The following RAPGEF5 variants were observed in gnomAD, a reference collection of about 807,000 sequenced individuals.
RAPGEF5 encodes Rap guanine nucleotide exchange factor 5.
A neutral mutation model predicts 125.2 loss-of-function variants in RAPGEF5; 65 were observed. The observed-to-expected ratio is 0.52, with a 90% CI of 0.43 to 0.64. The LOEUF is 0.64. Among genes scored for constraint, RAPGEF5 ranks in the 30% least tolerant of loss-of-function variants. RAPGEF5 has a pLI of 0.00. For synonymous variants in RAPGEF5, 391 were observed against 385.9 expected, an observed-to-expected ratio of 1.01 and a Z score of -0.16; for missense variants, 958 against 1,048.1, an observed-to-expected ratio of 0.91 and a Z score of 1.19.
At chr7:22,345,603 C>A (rs944153762) in intron 1 of RAPGEF5, among the ~76,000 whole-genome samples, 9 of 151,742 alleles carry the variant, frequency 5.9e-5, no homozygotes, top group Non-Finnish European at 1.3e-4. Context: ...ATTATATAAA[C>A]CACGACAGAG....
chr7:22,196,146 G>A (rs1785143231), intron 9 of RAPGEF5, among the ~76,000 whole-genome samples: 1 of 152,102 alleles, frequency 6.6e-6, no homozygotes, highest in African/African-American at 2.4e-5. Flanking sequence ...AAATAAAGAA[G>A]AGAAAAAGCA....
intron 5 of RAPGEF5, among the ~76,000 whole-genome samples, chr7:22,307,289 T>G (rs12532265): frequency 0.16 from 24,437 of 152,142 alleles, 2,267 homozygotes; most frequent in South Asian, 0.29. Flanking sequence ...TTCCTAGGTA[T>G]TTAATTTTAT....
Position 22,150,488 on chromosome 7 carries a change from C to A in RAPGEF5, c.1803G>T (p.Gln601His), listed in dbSNP as rs140685452. The A allele has an allele frequency of 5.3e-5, 81 of 1,542,288 alleles. No homozygotes were observed. The African/African-American group carries it at 1.1e-3, about 21-fold the overall frequency. ...ATTTGGAGATGACTAAGTCATTTGG[C>A]TGAAGTTCATGCTTTTCTTTATTTG... Reference protein sequence around the residue: ...ITFSGEKHELQPNDLVISKSL... With the variant: ...ITFSGEKHELHPNDLVISKSL... Residue 601 changes from glutamine to histidine, a missense_variant, in exon 18 of 26, where the codon CAG becomes CAT. Transcript: ENST00000665637.
chr7:22,224,326 A>C (rs181813163), intron 8 of RAPGEF5, among the ~76,000 whole-genome samples: 1 of 152,210 alleles, frequency 6.6e-6, no homozygotes, highest in Non-Finnish European at 1.5e-5. Context: ...GTGTTATAAA[A>C]TAACTATGAA....
intron 1 of RAPGEF5, among the ~76,000 whole-genome samples, chr7:22,346,338 A>G (rs1325415890): frequency 6.6e-6 from 1 of 152,166 alleles, no homozygotes; most frequent in Non-Finnish European, 1.5e-5. Context: ...AACAGGCATC[A>G]TACTTCCCCT....
intron 19 of RAPGEF5, among the ~76,000 whole-genome samples, chr7:22,146,551 A>G (rs1235681473): frequency 6.6e-6 from 1 of 152,210 alleles, no homozygotes; most frequent in African/African-American, 2.4e-5. Flanking sequence ...TTGTACAACT[A>G]TCATAAGCTT....
intron 9 of RAPGEF5, among the ~76,000 whole-genome samples, chr7:22,216,128 G>T (rs952034960): frequency 6.6e-6 from 1 of 152,086 alleles, no homozygotes; most frequent in South Asian, 2.1e-4. Context: ...TATGGTCATT[G>T]CCCCAGTTCA....
Position 22,156,878 on chromosome 7 carries a change from A to C in RAPGEF5, c.1568T>G (p.Leu523Arg). ...CTCCTTAAGACTGAATTGGTGGAAAAGGGCTTTATTCTGTGAGATGGGAGA... is the reference window on the plus strand; with the variant it reads ...CTCCTTAAGACTGAATTGGTGGAAACGGGCTTTATTCTGTGAGATGGGAGA... Reference protein sequence around the residue: ...EYSPQKKNKALFHQFSLKENW... With the variant: ...EYSPQKKNKARFHQFSLKENW... The change falls in exon 16 of 26, where the codon CTT (leucine) becomes CGT (arginine). Residue 523 changes from leucine to arginine, a missense_variant. By Grantham distance (102) the Leu-to-Arg change is moderately radical (BLOSUM62 -2). Coordinates refer to ENST00000665637, the MANE Select transcript of RAPGEF5 (RefSeq NM_012294.5). 6.2e-7 allele frequency: 1 copy of C among 1,613,882 alleles called. No homozygotes were observed. The highest frequency in any genetic ancestry group is 2.2e-5 in the East Asian group (1 of 44,864).
At chr7:22,219,042 T>C (rs754247318) in intron 9 of RAPGEF5, among the ~76,000 whole-genome samples, 13 of 151,982 alleles carry the variant, frequency 8.6e-5, no homozygotes, top group Non-Finnish European at 1.5e-4. Flanking sequence ...TTGGAAAGGG[T>C]TGAAAACAAA....
chr7:22,182,206 G>C (rs6947617), intron 11 of RAPGEF5, among the ~76,000 whole-genome samples: 3,541 of 152,236 alleles, frequency 0.023, 132 homozygotes, highest in African/African-American at 0.081. Context: ...AAGGACATCT[G>C]ATTATCTCAC....
intron 7 of RAPGEF5, among the ~76,000 whole-genome samples, chr7:22,243,160 A>C (rs1786383335): frequency 6.6e-6 from 1 of 152,190 alleles, no homozygotes; most frequent in Admixed American, 6.5e-5. Context: ...CAATGTAAGT[A>C]CTTACGGCTC....
chr7:22,272,109 C>A (rs936934041), intron 6 of RAPGEF5, among the ~76,000 whole-genome samples: 1 of 151,808 alleles, frequency 6.6e-6, no homozygotes, highest in Admixed American at 6.6e-5. Context: ...TTTGGGAGGT[C>A]GAGGTGGGCA....
chr7:22,203,869 G>A (rs1785337036), intron 9 of RAPGEF5, among the ~76,000 whole-genome samples: 2 of 152,154 alleles, frequency 1.3e-5, no homozygotes, highest in Admixed American at 6.5e-5. Flanking sequence ...TTGAGATCAC[G>A]TCGGAAGAAA....
chr7:22,153,454 C>G (rs1783696632), intron 17 of RAPGEF5, among the ~76,000 whole-genome samples: 1 of 151,926 alleles, frequency 6.6e-6, no homozygotes, highest in African/African-American at 2.4e-5. Flanking sequence ...CAATTAGAGC[C>G]CTGGGAGAGG....
chr7:22,294,667 A>G (rs531004897), intron 5 of RAPGEF5, among the ~76,000 whole-genome samples: 1 of 152,234 alleles, frequency 6.6e-6, no homozygotes, highest in Non-Finnish European at 1.5e-5. Flanking sequence ...CCTTTCTCTC[A>G]TACTCTGCCT....
intron 6 of RAPGEF5, among the ~76,000 whole-genome samples, chr7:22,287,745 T>G (rs149534127): frequency 3.4e-3 from 516 of 152,318 alleles, no homozygotes; most frequent in Admixed American, 7.2e-3. Context: ...TTATATGCCA[T>G]TGTCAACAGG....
intron 7 of RAPGEF5, among the ~76,000 whole-genome samples, chr7:22,241,245 T>C (rs562246337): frequency 3.3e-5 from 5 of 152,362 alleles, no homozygotes; most frequent in Admixed American, 1.3e-4. Context: ...TTAAGTTTTT[T>C]TGTTTCTGAA....
At chr7:22,339,380 T>G (rs374807283) in intron 1 of RAPGEF5, among the ~76,000 whole-genome samples, 1 of 152,204 alleles carries the variant, frequency 6.6e-6, no homozygotes, top group Non-Finnish European at 1.5e-5. Context: ...GCCAGTAACA[T>G]TGCCACATAG....
intron 1 of RAPGEF5, among the ~76,000 whole-genome samples, chr7:22,324,136 T>C (rs1031081531): frequency 6.6e-6 from 1 of 152,202 alleles, no homozygotes; most frequent in Non-Finnish European, 1.5e-5. Flanking sequence ...TTATCGCCTA[T>C]CATGAGACAT....
Sources: allele counts gnomAD v4.1 joint callset (sites outside exome capture counted in the v4.1 genomes callset), GRCh38; gene constraint gnomAD v4.1.1; transcripts MANE v1.5; gene names NCBI Gene and HGNC (gene_info 2026-07-23, HGNC 2026-07-21).